Variants in GRIP2 observed in about 807,000 individuals in gnomAD.
GRIP2 encodes glutamate receptor interacting protein 2, also known as glutamate receptor-interacting protein 2.
A neutral mutation model predicts 108.3 loss-of-function variants in GRIP2; 58 were observed. The ratio of observed to expected loss-of-function variants is 0.54; its 90% CI spans 0.43 to 0.67. GRIP2 has a LOEUF of 0.67. Ranked by LOEUF, GRIP2 falls within the 30% of genes least tolerant of loss-of-function variation. GRIP2 has a pLI of 0.00. For synonymous variants in GRIP2, 586 were observed against 598.2 expected (o/e 0.98, Z 0.30); for missense variants, 1,278 against 1,430.6 (o/e 0.89, Z 1.72).
At chr3:14,587,785 C>A in the GRIP2 span, among the ~76,000 whole-genome samples, 4 of 152,150 alleles carry the variant, frequency 2.6e-5, no homozygotes, top group African/African-American at 9.7e-5. Flanking sequence ...CTGTGCCCAG[C>A]ACATGGTAGT....
At chr3:14,536,581 C>T (rs1334613912) in intron 1 of GRIP2, among the ~76,000 whole-genome samples, 1 of 152,226 alleles carries the variant, frequency 6.6e-6, no homozygotes, top group Admixed American at 6.5e-5. Context: ...CCGCCACCCC[C>T]ACAATCCTCC....
intron 1 of GRIP2, among the ~76,000 whole-genome samples, chr3:14,554,629 C>A (rs1047910314): frequency 6.6e-6 from 1 of 152,106 alleles, no homozygotes; most frequent in Non-Finnish European, 1.5e-5. Context: ...GGACCTAGAG[C>A]CCTCTGCTGC....
At chr3:14,582,293 T>C in the GRIP2 span, among the ~76,000 whole-genome samples, 1 of 152,226 alleles carries the variant, frequency 6.6e-6, no homozygotes, top group African/African-American at 2.4e-5. Flanking sequence ...TACTGGCCGC[T>C]TGGATCACTG....
At chr3:14,565,222 C>T in the GRIP2 span, among the ~76,000 whole-genome samples, 1 of 152,202 alleles carries the variant, frequency 6.6e-6, no homozygotes, top group Admixed American at 6.5e-5. Flanking sequence ...GCTGGGTCTA[C>T]CCTTGGGGAG....
At chr3:14,561,727 T>C in the GRIP2 span, among the ~76,000 whole-genome samples, 5 of 152,188 alleles carry the variant, frequency 3.3e-5, no homozygotes, top group African/African-American at 1.2e-4. Context: ...TTCTCAGCCT[T>C]TTCTTCCCCA....
the GRIP2 span, among the ~76,000 whole-genome samples, chr3:14,593,601 C>T: frequency 6.6e-6 from 1 of 152,314 alleles, no homozygotes; most frequent in African/African-American, 2.4e-5. Context: ...ACGATGCCAC[C>T]CCATGGTTCA....
intron 1 of GRIP2, among the ~76,000 whole-genome samples, chr3:14,536,802 C>T (rs1287589446): frequency 1.3e-5 from 2 of 152,226 alleles, no homozygotes; most frequent in South Asian, 2.1e-4. Flanking sequence ...TTCCCAATGG[C>T]GGCTGCCTGC....
chr3:14,593,828 G>C, the GRIP2 span, among the ~76,000 whole-genome samples: 1 of 152,172 alleles, frequency 6.6e-6, no homozygotes, highest in Non-Finnish European at 1.5e-5. Flanking sequence ...CTGTGATTGT[G>C]ACAACACAAA....
chr3:14,517,968 A>G (rs1694303146), intron 9 of GRIP2, 71 bp from the exon 10 acceptor site: 12 of 1,448,898 alleles, frequency 8.3e-6, no homozygotes, highest in Admixed American at 2.8e-5. Flanking sequence ...AAGCCAGGAA[A>G]GCAAGAACCA....
intron 3 of GRIP2, 105 bp from the exon 4 acceptor site, chr3:14,524,643 A>G (rs1473275015): frequency 1.3e-5 from 16 of 1,269,934 alleles, no homozygotes; most frequent in Non-Finnish European, 1.7e-5. Context: ...CTGGATCCTC[A>G]TTTCACAAAT....
In GRIP2 at chr3:14,513,653, CCACT is replaced by C. The variant is rs1489082834; in HGVS notation, c.1639+8_1639+11del. Reference sequence around the variant, plus strand: ...CTGAAATATGAGGAGGAAGCTTGGGCCACTCACTCACCCGCCACATCGAACTCCA... The same window carrying C: ...CTGAAATATGAGGAGGAAGCTTGGGCCACTCACCCGCCACATCGAACTCCA... On this transcript the variant is annotated splice_region_variant and intron_variant, in intron 13 of 23. Transcript: ENST00000621039. 2.5e-6 allele frequency: 4 copies of C among 1,595,030 alleles called. No individual in the cohort carries two copies. Among genetic ancestry groups the C allele is most frequent in the East Asian group, 2.3e-5 (1 of 43,606 alleles).
chr3:14,523,843 C>A (rs991121904), intron 4 of GRIP2, 145 bp from the exon 5 acceptor site: 24 of 648,410 alleles, frequency 3.7e-5, no homozygotes, highest in Non-Finnish European at 6.4e-5. Flanking sequence ...ACAGGTCGAA[C>A]AAGTGAGGCT....
the GRIP2 span, among the ~76,000 whole-genome samples, chr3:14,583,078 C>T: frequency 2.6e-5 from 4 of 152,186 alleles, no homozygotes; most frequent in Non-Finnish European, 4.4e-5. Context: ...GGAGTGGAAC[C>T]CAGGTCTTTC....
At chr3:14,531,279 G>A (rs1694704415) in intron 1 of GRIP2, among the ~76,000 whole-genome samples, 1 of 152,190 alleles carries the variant, frequency 6.6e-6, no homozygotes, top group African/African-American at 2.4e-5. Flanking sequence ...TTGATGGGGT[G>A]ATTACACAGA....
chr3:14,562,460 C>T, the GRIP2 span, among the ~76,000 whole-genome samples: 1 of 152,174 alleles, frequency 6.6e-6, no homozygotes, highest in Non-Finnish European at 1.5e-5. Context: ...AAAATAAAAT[C>T]TGGCTGGTTC....
upstream of GRIP2, chr3:14,541,849 A>G (rs761579647): frequency 7.7e-7 from 1 of 1,303,672 alleles, no homozygotes; most frequent in South Asian, 1.2e-5. Flanking sequence ...GACTCAAATC[A>G]TGCAGGGACG....
chr3:14,588,490 G>C, the GRIP2 span, among the ~76,000 whole-genome samples: 1 of 152,030 alleles, frequency 6.6e-6, no homozygotes, highest in Non-Finnish European at 1.5e-5. Flanking sequence ...ACTCACTCAA[G>C]GTGGGTGGCC....
At chr3:14,517,626 C>G in intron 10 of GRIP2, 146 bp downstream of exon 10, 1 of 1,041,846 alleles carries the variant, frequency 9.6e-7, no homozygotes, top group South Asian at 1.6e-5. Context: ...CTCAGCCTCC[C>G]GAGTGGCTGG....
the GRIP2 span, among the ~76,000 whole-genome samples, chr3:14,582,318 C>T: frequency 6.6e-6 from 1 of 152,114 alleles, no homozygotes; most frequent in South Asian, 2.1e-4. Context: ...AGTCACTAGC[C>T]CAGTTTTCTA....
Sources: gnomAD v4.1 joint callset for allele counts (sites outside exome capture counted in the v4.1 genomes callset) on GRCh38, gnomAD v4.1.1 for gene constraint, MANE v1.5 for transcripts, NCBI Gene and HGNC (gene_info 2026-07-23, HGNC 2026-07-21) for gene names.